Variants in C7orf33 observed in about 807,000 individuals in gnomAD.
C7orf33 encodes the protein uncharacterized protein C7orf33.
Under a neutral mutation model 13.4 loss-of-function variants are expected in C7orf33, and 15 were observed. The ratio of observed to expected loss-of-function variants is 1.12; its 90% confidence interval spans 0.75 to 1.72. The LOEUF (loss-of-function observed/expected upper bound fraction) is 1.72, where lower values mean the gene tolerates loss of function less well. C7orf33 is among the 40% of genes most tolerant of loss of function. The pLI is 0.00. For missense variants in C7orf33, 187 were observed against 220.3 expected (o/e 0.85, Z 0.96); for synonymous variants, 73 against 83.2 (o/e 0.88, Z 0.67).
chr7:148,612,141 C>T (rs756368935), intron 1 of C7orf33, among the ~76,000 whole-genome samples: 6 of 152,240 alleles, frequency 3.9e-5, no homozygotes, highest in Admixed American at 1.3e-4. Flanking sequence ...GAATATTCCA[C>T]CTGCTTCTGG....
intron 1 of C7orf33, among the ~76,000 whole-genome samples, chr7:148,604,917 CA>C (rs973483747): frequency 2.0e-5 from 3 of 152,004 alleles, no homozygotes; most frequent in Admixed American, 6.6e-5. Context: ...TACACACATA[CA>C]AAAAAACATG....
intron 1 of C7orf33, among the ~76,000 whole-genome samples, chr7:148,608,302 C>T (rs1190646075): frequency 2.3e-4 from 35 of 151,820 alleles, no homozygotes; most frequent in East Asian, 1.4e-3. Context: ...TGGTGGTGCG[C>T]GCCTGTAGTC....
intron 1 of C7orf33, 36 bp downstream of exon 1, chr7:148,591,165 T>C (rs755710843): frequency 1.3e-6 from 2 of 1,512,968 alleles, no homozygotes; most frequent in South Asian, 2.3e-5. Context: ...CAACTGCTCT[T>C]TGAGTCAGTC....
At chr7:148,608,323 G>T (rs1442658950) in intron 1 of C7orf33, among the ~76,000 whole-genome samples, 1 of 151,964 alleles carries the variant, frequency 6.6e-6, no homozygotes, top group African/African-American at 2.4e-5. Flanking sequence ...CCAGCTACTT[G>T]GGAAGCTGAG....
At chr7:148,600,221 C>T (rs943753693) in intron 1 of C7orf33, among the ~76,000 whole-genome samples, 1 of 152,142 alleles carries the variant, frequency 6.6e-6, no homozygotes, top group African/African-American at 2.4e-5. Context: ...GTAATCCCAG[C>T]AATTTGGGAA....
At chr7:148,603,439 G>A (rs1432007000) in intron 1 of C7orf33, among the ~76,000 whole-genome samples, 2 of 152,094 alleles carry the variant, frequency 1.3e-5, no homozygotes, top group Non-Finnish European at 2.9e-5. Context: ...TTGGGAGGCA[G>A]AGGCTGCAAT....
At chr7:148,607,820 A>T (rs983790672) in intron 1 of C7orf33, among the ~76,000 whole-genome samples, 2 of 152,160 alleles carry the variant, frequency 1.3e-5, no homozygotes, top group Non-Finnish European at 2.9e-5. Context: ...CGAGCCTGAC[A>T]CTTATACTCT....
chr7:148,597,744 GTT>G (rs1796357021), intron 1 of C7orf33, among the ~76,000 whole-genome samples: 1 of 147,398 alleles, frequency 6.8e-6, no homozygotes, highest in East Asian at 2.0e-4. Flanking sequence ...GTTTTGTTTT[GTT>G]TTGTTTTGTT....
chr7:148,598,299 A>G (rs188848592), intron 1 of C7orf33, among the ~76,000 whole-genome samples: 4 of 152,034 alleles, frequency 2.6e-5, no homozygotes, highest in Admixed American at 2.6e-4. Context: ...CTGGTTTTCT[A>G]CTTCTTTGTT....
In C7orf33 at chr7:148,614,107, C is replaced by T. The variant is rs768071614; in HGVS notation, c.270C>T (p.Thr90=). Residue 90 remains threonine (T), a synonymous_variant, in exon 2 of 3, where the codon ACC becomes ACT. Coordinates refer to ENST00000307003, the MANE Select transcript of C7orf33 (RefSeq NM_145304.4). ...MEFIAPVSAP[T]KSGAPWHFLS... ...TTATTGCTCCTGTATCAGCTCCCACCAAATCTGGTGCCCCGTGGCATTTTC... is the reference window on the plus strand; with the variant it reads ...TTATTGCTCCTGTATCAGCTCCCACTAAATCTGGTGCCCCGTGGCATTTTC... 2.7e-5 allele frequency: 43 copies of T among 1,614,070 alleles called. No individual in the cohort carries two copies. The East Asian group carries it at 6.7e-4, about 25-fold the overall frequency.
chr7:148,593,052 G>T (rs1486027796), intron 1 of C7orf33, among the ~76,000 whole-genome samples: 1 of 151,958 alleles, frequency 6.6e-6, no homozygotes, highest in Non-Finnish European at 1.5e-5. Context: ...TGTTCACCAG[G>T]CTGGTCTTAA....
chr7:148,598,725 GATATATATATATATAT>G (rs1161811167), intron 1 of C7orf33, among the ~76,000 whole-genome samples: 17 of 24,384 alleles, frequency 7.0e-4, no homozygotes, highest in South Asian at 3.7e-3. Context: ...TTCATTCCTG[GATATATATATATATAT>G]ATATATATAT....
chr7:148,601,611 T>A (rs1468756579), intron 1 of C7orf33, among the ~76,000 whole-genome samples: 1 of 152,230 alleles, frequency 6.6e-6, no homozygotes, highest in Non-Finnish European at 1.5e-5. Flanking sequence ...TCTCCCAAAG[T>A]GCTGGGATTA....
At chr7:148,614,376 T>C in intron 2 of C7orf33, 80 bp downstream of exon 2, 1 of 1,452,510 alleles carries the variant, frequency 6.9e-7, no homozygotes, top group Non-Finnish European at 9.4e-7. Flanking sequence ...AAATGAAGAT[T>C]GGAGGGATTG....
intron 1 of C7orf33, among the ~76,000 whole-genome samples, chr7:148,613,431 T>G (rs544485948): frequency 1.3e-5 from 2 of 152,362 alleles, no homozygotes; most frequent in South Asian, 4.1e-4. Context: ...CACCAAATGA[T>G]GAATGGATAA....
At chr7:148,608,892 A>G (rs1234902753) in intron 1 of C7orf33, among the ~76,000 whole-genome samples, 1 of 152,186 alleles carries the variant, frequency 6.6e-6, no homozygotes. Flanking sequence ...CTGTAAAAAC[A>G]GTCCTATTGC....
intron 1 of C7orf33, among the ~76,000 whole-genome samples, chr7:148,605,024 G>C (rs1370593352): frequency 6.6e-6 from 1 of 152,154 alleles, no homozygotes; most frequent in African/African-American, 2.4e-5. Context: ...CTGAGGTCAG[G>C]AGTTCAAGAC....
intron 1 of C7orf33, among the ~76,000 whole-genome samples, chr7:148,603,557 G>C (rs979456148): frequency 6.6e-6 from 1 of 152,116 alleles, no homozygotes; most frequent in Non-Finnish European, 1.5e-5. Flanking sequence ...TGCAGGATCC[G>C]GGATGCAGCA....
At chr7:148,595,468 T>C (rs1291722558) in intron 1 of C7orf33, among the ~76,000 whole-genome samples, 1 of 130,742 alleles carries the variant, frequency 7.6e-6, no homozygotes, top group Non-Finnish European at 1.5e-5. Flanking sequence ...GCTATATATA[T>C]GCTATTATAT....
Sources: gnomAD v4.1 joint callset for allele counts (sites outside exome capture counted in the v4.1 genomes callset) on GRCh38, gnomAD v4.1.1 for gene constraint, MANE v1.5 for transcripts, NCBI Gene and HGNC (gene_info 2026-07-23, HGNC 2026-07-21) for gene names.